GREB1L: variants seen among roughly 807,000 people sequenced by gnomAD.
GREB1L encodes the protein GREB1-like protein.
Under a neutral mutation model 200.8 loss-of-function variants are expected in GREB1L, and 17 were observed. The observed-to-expected ratio is 0.08, with a 90% CI of 0.06 to 0.13. The LOEUF is 0.13. Among genes scored for constraint, GREB1L ranks in the 10% least tolerant of loss-of-function variants. The pLI, the probability that GREB1L is intolerant of heterozygous loss-of-function variation, is 1.00. For missense variants in GREB1L, 1,657 were observed against 2,367.7 expected, an observed-to-expected ratio of 0.70 and a Z score of 6.23; for synonymous variants, 789 against 893.0, an observed-to-expected ratio of 0.88 and a Z score of 2.08.
At chr18:21,337,084 A>C (rs1157399103) in intron 1 of GREB1L, among the ~76,000 whole-genome samples, 2 of 152,336 alleles carry the variant, frequency 1.3e-5, no homozygotes, top group Non-Finnish European at 1.5e-5. Flanking sequence ...AACATTCCGC[A>C]GTGTTCTTTA....
At chr18:21,436,672 GTGT>G (rs2033559313) in intron 7 of GREB1L, among the ~76,000 whole-genome samples, 16 of 52,138 alleles carry the variant, frequency 3.1e-4, no homozygotes, top group African/African-American at 7.2e-4. Flanking sequence ...GTTCAGTGGT[GTGT>G]GTGTGTGTGT....
rs561543913 is a variant in GREB1L at position 21,284,819 on chromosome 18, G to A, written c.-120+42426G>A. On this transcript the variant is annotated intron_variant, in intron 1 of 32. Transcript: ENST00000424526. ...GCCAAGGTATGAGGTTTGTTCTCTC[G>A]CCATATCCTCACCAACACTAGCTAC... Among the ~76,000 whole-genome samples the A allele has an allele frequency of 4.7e-4, 72 of 152,140 alleles. 1 individual carries two copies. The South Asian group carries it at 0.011, about 23-fold the overall frequency.
Position 21,454,540 on chromosome 18 carries a change from C to T in GREB1L, c.2159C>T (p.Thr720Ile), listed in dbSNP as rs1598868440. 7 of 1,551,570 alleles carry T rather than the reference C, an allele frequency of 4.5e-6. No individual in the cohort carries two copies. In the East Asian group the frequency reaches 1.7e-4, roughly 38 times the overall value. Residue 720 changes from threonine (T) to isoleucine (I), a missense_variant, in exon 15 of 33, where the codon ACT becomes ATT. Thr to Ile is a moderately conservative substitution (Grantham distance 89). Transcript: ENST00000424526. The stretch of plus-strand genomic sequence containing the variant: ...AGATCGGAGGTGTTGGTTCAGCAAA[C>T]TCTTCAGCGGATTCGACAATCAGGT... ...VPRSEVLVQQ[T>I]LQRIRQSGVL... is the part of the protein sequence containing the mutation.
At chr18:21,369,027 T>C (rs940821774) in intron 2 of GREB1L, among the ~76,000 whole-genome samples, 61 of 152,364 alleles carry the variant, frequency 4.0e-4, no homozygotes, top group African/African-American at 1.4e-3. Flanking sequence ...GTGGAAAATA[T>C]TTAGTTATCT....
chr18:21,366,652 C>T (rs2039690761), intron 2 of GREB1L, among the ~76,000 whole-genome samples: 1 of 111,284 alleles, frequency 9.0e-6, no homozygotes, highest in Non-Finnish European at 1.7e-5. Flanking sequence ...AAATCAGATG[C>T]TTGCTTAGAA....
rs2034421839 is a variant in GREB1L at position 21,449,688 on chromosome 18, G to A, written c.1572G>A (p.Val524=). Residue 524 remains valine (V), a synonymous_variant, in exon 12 of 33, where the codon GTG becomes GTA. Coordinates refer to ENST00000424526, the MANE Select transcript of GREB1L (RefSeq NM_001142966.3). The part of the protein sequence containing the change: ...IASVSQDLVH[V]VVTQNSLAEG... Reference sequence around the variant, plus strand: ...GCGTATCTCAAGACTTGGTTCATGTGGTTGTGACCCAGAACTCTTTGGCGG... The same window carrying A: ...GCGTATCTCAAGACTTGGTTCATGTAGTTGTGACCCAGAACTCTTTGGCGG... 2 of 1,551,700 alleles carry A rather than the reference G, an allele frequency of 1.3e-6. No individual in the cohort carries two copies. Among genetic ancestry groups the A allele is most frequent in the Non-Finnish European group, 1.7e-6 (2 of 1,147,000 alleles).
chr18:21,500,503 G>A (rs918671137), intron 22 of GREB1L, 37 bp from the exon 23 acceptor site: 43 of 1,405,084 alleles, frequency 3.1e-5, no homozygotes, highest in Non-Finnish European at 3.8e-5. Flanking sequence ...TCTCTTTCCC[G>A]CCTCCACTCC....
At chr18:21,448,513 G>A (rs2034354991) in intron 11 of GREB1L, among the ~76,000 whole-genome samples, 1 of 152,166 alleles carries the variant, frequency 6.6e-6, no homozygotes, top group South Asian at 2.1e-4. Context: ...TTCTCATGCA[G>A]AAGTCCAGCC....
chr18:21,330,402 A>G (rs1409858870), intron 1 of GREB1L, among the ~76,000 whole-genome samples: 1 of 152,246 alleles, frequency 6.6e-6, no homozygotes, highest in Non-Finnish European at 1.5e-5. Context: ...CAGCATCTGT[A>G]AAGAACACAG....
rs575835659 is a variant in GREB1L, at chr18:21,294,169, C to T, written c.-120+51776C>T. ...TGGCTTTTGAGAAGTTGAAATGTGG[C>T]TCATGTGACTGAAGAACTGAACTTT... On this transcript the variant is annotated intron_variant, in intron 1 of 32. Coordinates refer to ENST00000424526, the MANE Select transcript of GREB1L (RefSeq NM_001142966.3). Among the ~76,000 whole-genome samples, 7 of 152,250 alleles carry T rather than the reference C, an allele frequency of 4.6e-5. No homozygotes were observed. In the East Asian group the frequency reaches 1.3e-3, roughly 29 times the overall value.
At chr18:21,376,202 C>T (rs2040063902) in intron 2 of GREB1L, among the ~76,000 whole-genome samples, 1 of 151,908 alleles carries the variant, frequency 6.6e-6, no homozygotes, top group Non-Finnish European at 1.5e-5. Context: ...TCACTGCAAC[C>T]TCCACTCCAG....
At chr18:21,260,317 T>C (rs2037869209) in intron 1 of GREB1L, among the ~76,000 whole-genome samples, 2 of 152,024 alleles carry the variant, frequency 1.3e-5, no homozygotes, top group Non-Finnish European at 2.9e-5. Context: ...TAAATACATT[T>C]CCTTTTAATT....
At chr18:21,282,604 CT>C (rs944050558) in intron 1 of GREB1L, among the ~76,000 whole-genome samples, 251 of 145,382 alleles carry the variant, frequency 1.7e-3, no homozygotes, top group East Asian at 0.013. Flanking sequence ...TTTACCATTA[CT>C]TTTTTTTTTT....
At chr18:21,361,387 G>T (rs982595200) in intron 1 of GREB1L, among the ~76,000 whole-genome samples, 8 of 152,160 alleles carry the variant, frequency 5.3e-5, no homozygotes, top group African/African-American at 1.7e-4. Flanking sequence ...GAGTGTTCCT[G>T]CATCTGATTG....
chr18:21,464,124 G>A (rs1391253690), intron 15 of GREB1L, among the ~76,000 whole-genome samples: 1 of 152,158 alleles, frequency 6.6e-6, no homozygotes, highest in Non-Finnish European at 1.5e-5. Context: ...CTACAGAAGA[G>A]TACCAGTTAA....
At chr18:21,497,259 G>A (rs569593252) in intron 21 of GREB1L, among the ~76,000 whole-genome samples, 10 of 152,102 alleles carry the variant, frequency 6.6e-5, no homozygotes, top group African/African-American at 2.4e-4. Context: ...GCAGTGCCTG[G>A]CATGAATTTT....
chr18:21,454,593 C>T, intron 15 of GREB1L, 30 bp downstream of exon 15: 1 of 1,505,552 alleles, frequency 6.6e-7, no homozygotes, highest in Non-Finnish European at 9.1e-7. Context: ...GAGGAGCCCA[C>T]CTAGATCCAG....
chr18:21,440,445 T>C, intron 9 of GREB1L, 57 bp downstream of exon 9: 1 of 1,446,922 alleles, frequency 6.9e-7, no homozygotes, highest in Non-Finnish European at 9.5e-7. Context: ...AGAGATATCT[T>C]CTACTTCCAT....
At chr18:21,301,063 T>C (rs2144689511) in intron 1 of GREB1L, among the ~76,000 whole-genome samples, 1 of 152,364 alleles carries the variant, frequency 6.6e-6, no homozygotes, top group African/African-American at 2.4e-5. Flanking sequence ...TCTGTGCTAC[T>C]GGCATTTGAG....
Sources: gnomAD v4.1 joint callset for allele counts (sites outside exome capture counted in the v4.1 genomes callset) on GRCh38, gnomAD v4.1.1 for gene constraint, MANE v1.5 for transcripts, NCBI Gene and HGNC (gene_info 2026-07-23, HGNC 2026-07-21) for gene names.